EDA2R: variants seen among roughly 807,000 people sequenced by gnomAD.
The protein encoded by EDA2R is tumor necrosis factor receptor superfamily member 27.
In EDA2R, 26 loss-of-function variants were observed where a neutral mutation model predicts 20.1. The ratio of observed to expected loss-of-function variants is 1.30; its 90% CI spans 0.95 to 1.80. The LOEUF (loss-of-function observed/expected upper bound fraction) is 1.80, where lower values mean the gene tolerates loss of function less well. EDA2R is among the 40% of genes most tolerant of loss of function. The probability of loss-of-function intolerance (pLI) is 0.00; values close to 1 mark genes in which losing one functional copy is unlikely to be tolerated. For synonymous variants in EDA2R, 114 were observed against 88.7 expected (o/e 1.29, Z -1.60); for missense variants, 277 against 228.7 (o/e 1.21, Z -1.36).
chrX:66,599,379 T>A lies in EDA2R; in HGVS notation c.*10+95A>T, dbSNP rs143433678. On this transcript the variant is annotated intron_variant, in intron 6 of 6. Transcript: ENST00000374719. ...CTTGCTGCTGTTCCTCCACTCCTAG[T>A]GAATAATACTATTCCAAAAGAGAAT... The A allele has an allele frequency of 2.9e-4, 281 of 971,051 alleles. No individual in the cohort carries two copies. In the African/African-American group the frequency reaches 4.8e-3, roughly 16 times the overall value. The allele number at this position is 971,051 out of a possible 1,213,427, so 80.0% of individuals were successfully genotyped here.
intron 2 of EDA2R, among the ~76,000 whole-genome samples, chrX:66,612,120 G>T (rs1301338158): frequency 9.0e-6 from 1 of 111,366 alleles, no homozygotes; most frequent in African/African-American, 3.3e-5. Flanking sequence ...ACATTCTCAG[G>T]CAAAGGAAAA....
intron 4 of EDA2R, 25 bp downstream of exon 4, chrX:66,604,396 G>A (rs957308299): frequency 1.2e-5 from 14 of 1,188,812 alleles, no homozygotes; most frequent in East Asian, 9.0e-5. Context: ...TGAGGAGAAA[G>A]GGAAGAAGAG....
At chrX:66,628,618 A>AC (rs756343165) in intron 1 of EDA2R, among the ~76,000 whole-genome samples, 30 of 105,368 alleles carry the variant, frequency 2.8e-4, no homozygotes, top group African/African-American at 4.5e-4. Flanking sequence ...GGAAAAATAC[A>AC]CCCCCCCAGC....
chrX:66,626,330 A>T (rs1289534549), intron 1 of EDA2R, among the ~76,000 whole-genome samples: 1 of 112,075 alleles, frequency 8.9e-6, no homozygotes, highest in Non-Finnish European at 1.9e-5. Flanking sequence ...AACAATAAAA[A>T]CTTCAGGAAA....
In EDA2R at chrX:66,599,725, A is replaced by G. The variant is rs370854486; in HGVS notation, c.653T>C (p.Leu218Pro). The G allele has an allele frequency of 8.3e-7, 1 of 1,210,054 alleles. No individual in the cohort carries two copies. The change falls in exon 6 of 7, where the codon CTC becomes CCC. Residue 218 changes from leucine to proline, a missense_variant. Coordinates refer to ENST00000374719, the MANE Select transcript of EDA2R (RefSeq NM_021783.5). ...ACTAGTCGAGCTGCAGTCGTCCTCG[A>G]GGATAGGGTTAAGTGGCTGGGTCTG... Reference protein sequence around the residue: ...IFQTQPLNPILEDDCSSTSGF... With the variant: ...IFQTQPLNPIPEDDCSSTSGF...
intron 1 of EDA2R, among the ~76,000 whole-genome samples, chrX:66,629,933 T>G (rs1933555438): frequency 9.0e-6 from 1 of 111,561 alleles, no homozygotes; most frequent in Non-Finnish European, 1.9e-5. Flanking sequence ...CTACCTGATT[T>G]CAAACTATAC....
intron 1 of EDA2R, among the ~76,000 whole-genome samples, chrX:66,624,322 C>T (rs1250404926): frequency 9.0e-6 from 1 of 111,063 alleles, no homozygotes; most frequent in East Asian, 2.8e-4. Flanking sequence ...AGTTCAAGAC[C>T]AGCCTAGCCA....
intron 1 of EDA2R, among the ~76,000 whole-genome samples, chrX:66,618,018 C>T (rs994640772): frequency 9.0e-6 from 1 of 110,646 alleles, no homozygotes; most frequent in Admixed American, 9.7e-5. Flanking sequence ...TCCCGAGTAG[C>T]TGGGATTACA....
intron 2 of EDA2R, among the ~76,000 whole-genome samples, chrX:66,615,355 C>T (rs1346806032): frequency 1.8e-5 from 2 of 111,901 alleles, no homozygotes; most frequent in African/African-American, 6.5e-5. Context: ...TTTAATACCA[C>T]CCCCAAGTTC....
chrX:66,607,136 G>A (rs1328086704), intron 2 of EDA2R, among the ~76,000 whole-genome samples: 1 of 111,916 alleles, frequency 8.9e-6, no homozygotes, highest in Admixed American at 9.5e-5. Flanking sequence ...TACTAGTGGA[G>A]ACCTAAAGCT....
At chrX:66,610,272 A>AAC (rs10657734) in intron 2 of EDA2R, among the ~76,000 whole-genome samples, 14,682 of 87,195 alleles carry the variant, frequency 0.17, 1,428 homozygotes, top group African/African-American at 0.33. Context: ...CAGATACACA[A>AAC]ACACACACAC....
chrX:66,607,957 A>C (rs1929997113), intron 2 of EDA2R, among the ~76,000 whole-genome samples: 1 of 112,312 alleles, frequency 8.9e-6, no homozygotes, highest in African/African-American at 3.2e-5. Flanking sequence ...TCAAAGACAC[A>C]CATGGACAAA....
chrX:66,604,868 A>G (rs956551855), intron 3 of EDA2R, among the ~76,000 whole-genome samples, 180 bp downstream of exon 3: 1 of 112,217 alleles, frequency 8.9e-6, no homozygotes, highest in African/African-American at 3.2e-5. Context: ...GTGACTGACA[A>G]TGTGCTAAGC....
chrX:66,619,522 G>A (rs1028905847), intron 1 of EDA2R, among the ~76,000 whole-genome samples: 2 of 111,901 alleles, frequency 1.8e-5, no homozygotes, highest in African/African-American at 6.5e-5. Context: ...CTAAGGTTAT[G>A]GCTGCTCAAG....
intron 1 of EDA2R, among the ~76,000 whole-genome samples, chrX:66,617,929 C>T (rs1387281871): frequency 9.8e-6 from 1 of 102,250 alleles, no homozygotes; most frequent in Non-Finnish European, 2.0e-5. Flanking sequence ...GAGTTTTGCT[C>T]TTGTTGCAGT....
intron 2 of EDA2R, among the ~76,000 whole-genome samples, chrX:66,605,748 T>C (rs1929568683): frequency 8.9e-6 from 1 of 112,381 alleles, no homozygotes; most frequent in African/African-American, 3.2e-5. Context: ...TGATCATTAA[T>C]AACTACAACA....
intron 1 of EDA2R, among the ~76,000 whole-genome samples, chrX:66,618,839 C>T (rs1932145999): frequency 8.9e-6 from 1 of 112,431 alleles, no homozygotes; most frequent in Non-Finnish European, 1.9e-5. Context: ...GACATGTAGA[C>T]TTGAGTTTTA....
intron 1 of EDA2R, among the ~76,000 whole-genome samples, chrX:66,631,359 A>AT (rs776885039): frequency 6.3e-5 from 7 of 111,067 alleles, no homozygotes; most frequent in Non-Finnish European, 1.3e-4. Context: ...AACCTATGGA[A>AT]TTTTTTTTAA....
chrX:66,605,919 C>G (rs1471539529), intron 2 of EDA2R, among the ~76,000 whole-genome samples: 4 of 112,185 alleles, frequency 3.6e-5, no homozygotes, highest in Non-Finnish European at 7.5e-5. Context: ...TTATTTCTTA[C>G]TCTAGGTCAT....
Sources: allele counts gnomAD v4.1 joint callset (sites outside exome capture counted in the v4.1 genomes callset), GRCh38; gene constraint gnomAD v4.1.1; transcripts MANE v1.5; gene names NCBI Gene and HGNC (gene_info 2026-07-23, HGNC 2026-07-21).